ACSL3: variants seen among roughly 807,000 people sequenced by gnomAD.
The protein encoded by ACSL3 is acyl-CoA synthetase long chain family member 3.
Under a neutral mutation model 84.7 loss-of-function variants are expected in ACSL3, and 34 were observed. The observed-to-expected ratio is 0.40, with a 90% confidence interval of 0.31 to 0.53. The LOEUF is 0.53. Among genes scored for constraint, ACSL3 ranks in the 20% least tolerant of loss-of-function variants. The pLI, the probability that ACSL3 is intolerant of heterozygous loss-of-function variation, is 0.48. For synonymous variants in ACSL3, 315 were observed against 299.4 expected, an observed-to-expected ratio of 1.05 and a Z score of -0.54; for missense variants, 680 against 873.1, an observed-to-expected ratio of 0.78 and a Z score of 2.79.
chr2:222,867,598 A>G (rs10469669), intron 1 of ACSL3, among the ~76,000 whole-genome samples: 14,299 of 152,224 alleles, frequency 0.094, 724 homozygotes, highest in Middle Eastern at 0.13. Context: ...TTTCAACTCA[A>G]TTCATCAGTG....
chr2:222,893,318 G>C (rs2106104575), intron 2 of ACSL3, among the ~76,000 whole-genome samples: 1 of 152,302 alleles, frequency 6.6e-6, no homozygotes, highest in South Asian at 2.1e-4. Context: ...GATGGTGGTG[G>C]ATGTGAGGGG....
At chr2:222,903,039 A>T (rs999621118) in intron 3 of ACSL3, among the ~76,000 whole-genome samples, 1 of 152,224 alleles carries the variant, frequency 6.6e-6, no homozygotes, top group Non-Finnish European at 1.5e-5. Context: ...AGAAGGAAGA[A>T]AAAAAAGTCA....
At chr2:222,921,658 A>G (rs1187991375) in intron 8 of ACSL3, among the ~76,000 whole-genome samples, 1 of 152,206 alleles carries the variant, frequency 6.6e-6, no homozygotes, top group African/African-American at 2.4e-5. Flanking sequence ...CAGAACTTAA[A>G]TTTGTATAGT....
At chr2:222,935,111 T>C (rs1309961684) in intron 16 of ACSL3, among the ~76,000 whole-genome samples, 2 of 152,194 alleles carry the variant, frequency 1.3e-5, no homozygotes, top group African/African-American at 4.8e-5. Flanking sequence ...CCAAGACTAG[T>C]TTAATATTGT....
chr2:222,915,522 T>TTTA (rs1696556412), intron 4 of ACSL3, among the ~76,000 whole-genome samples: 1 of 149,636 alleles, frequency 6.7e-6, no homozygotes. Context: ...AGAGGAGCTT[T>TTTA]TTATACAGTC....
At chr2:222,871,283 G>T (rs113778250) in intron 1 of ACSL3, among the ~76,000 whole-genome samples, 10,698 of 152,230 alleles carry the variant, frequency 0.07, 498 homozygotes, top group Middle Eastern at 0.13. Flanking sequence ...GTGGAAAGGA[G>T]AATTCAGTTA....
intron 4 of ACSL3, among the ~76,000 whole-genome samples, chr2:222,910,904 GAAGTT>G (rs1270230649): frequency 1.4e-4 from 22 of 152,158 alleles, no homozygotes; most frequent in African/African-American, 5.3e-4. Flanking sequence ...AGATCTCGCT[GAAGTT>G]AATAGCACAT....
At chr2:222,917,912 C>T (rs1696626843) in intron 5 of ACSL3, 134 bp from the exon 6 acceptor site, 1 of 508,884 alleles carries the variant, frequency 2.0e-6, no homozygotes, top group Non-Finnish European at 3.4e-6. Flanking sequence ...CTTTAAAAAA[C>T]ATAACACTTA....
intron 1 of ACSL3, among the ~76,000 whole-genome samples, chr2:222,887,032 A>G (rs1285685756): frequency 6.6e-6 from 1 of 152,244 alleles, no homozygotes; most frequent in Non-Finnish European, 1.5e-5. Flanking sequence ...TATAATACAT[A>G]CAGAATAGCT....
At chr2:222,902,985 G>A (rs1330541751) in intron 3 of ACSL3, among the ~76,000 whole-genome samples, 1 of 152,114 alleles carries the variant, frequency 6.6e-6, no homozygotes, top group Non-Finnish European at 1.5e-5. Flanking sequence ...TATCTGCCTA[G>A]GTATTTGTCT....
intron 1 of ACSL3, among the ~76,000 whole-genome samples, chr2:222,886,805 G>T (rs1242593900): frequency 6.6e-6 from 1 of 151,992 alleles, no homozygotes; most frequent in East Asian, 1.9e-4. Flanking sequence ...TGAGAGGAAG[G>T]TGCAGAGATT....
chr2:222,882,384 A>C (rs567133496), intron 1 of ACSL3, among the ~76,000 whole-genome samples: 2 of 152,214 alleles, frequency 1.3e-5, no homozygotes, highest in South Asian at 2.1e-4. Flanking sequence ...TATGATTCTT[A>C]CTTCTTTATA....
At chr2:222,900,115 A>G (rs1378125738) in intron 2 of ACSL3, among the ~76,000 whole-genome samples, 1 of 152,170 alleles carries the variant, frequency 6.6e-6, no homozygotes, top group African/African-American at 2.4e-5. Flanking sequence ...CCACCTAGCA[A>G]ATAAGATGCG....
rs559086102 is a variant in ACSL3, at chr2:222,943,048, T to G, written c.*1394T>G. On this transcript the variant is annotated 3_prime_UTR_variant, in exon 17 of 17. Transcript: ENST00000357430. ...TTTCATGTCAGACTAGTTACTTTGT[T>G]GATTCTCAGTTACTGTAGGCATCAA... The G allele has an allele frequency of 4.5e-6, 1 of 223,746 alleles. No individual in the cohort carries two copies. Among genetic ancestry groups the G allele is most frequent in the South Asian group, 1.8e-4 (1 of 5,412 alleles). The allele number at this position is 223,746 out of a possible 1,614,324, so 13.9% of individuals were successfully genotyped here.
chr2:222,938,447 AT>A (rs553278961), intron 16 of ACSL3, among the ~76,000 whole-genome samples: 3 of 151,770 alleles, frequency 2.0e-5, no homozygotes, highest in African/African-American at 4.8e-5. Flanking sequence ...TTGGTTGACA[AT>A]TTTTTTTCTT....
chr2:222,941,477 T>TC lies in ACSL3; in HGVS notation c.2006-20_2006-19insC. The stretch of plus-strand genomic sequence containing the variant: ...AACTTAAATACCTTTTCTTCTTTTC[T>TC]TTTTTTTTAATCATCTTAGCAAGTC... On this transcript the variant is annotated intron_variant, in intron 16 of 16. Transcript: ENST00000357430. The TC allele has an allele frequency of 6.5e-7, 1 of 1,541,468 alleles. No homozygotes were observed.
chr2:222,903,178 C>T (rs995320431), intron 3 of ACSL3, among the ~76,000 whole-genome samples: 1 of 151,976 alleles, frequency 6.6e-6, no homozygotes, highest in Non-Finnish European at 1.5e-5. Context: ...GGCTTCGTGG[C>T]CCAGGCCGGA....
chr2:222,909,582 T>C (rs1485065614), intron 4 of ACSL3: 1 of 156,362 alleles, frequency 6.4e-6, no homozygotes, highest in Non-Finnish European at 1.4e-5. Flanking sequence ...AACATTTCTT[T>C]TCAGAAATAT....
chr2:222,926,193 A>G (rs1481840415), intron 11 of ACSL3, among the ~76,000 whole-genome samples: 1 of 152,250 alleles, frequency 6.6e-6, no homozygotes, highest in African/African-American at 2.4e-5. Flanking sequence ...TAGGTATTAT[A>G]AGTAATCTAG....
Sources: allele counts gnomAD v4.1 joint callset (sites outside exome capture counted in the v4.1 genomes callset), GRCh38; gene constraint gnomAD v4.1.1; transcripts MANE v1.5; gene names NCBI Gene and HGNC (gene_info 2026-07-23, HGNC 2026-07-21).